Variants in ARMC2 observed in about 807,000 individuals in gnomAD.
The protein encoded by ARMC2 is armadillo repeat containing 2.
A neutral mutation model predicts 90.3 loss-of-function variants in ARMC2; 67 were observed. The observed-to-expected ratio is 0.74, with a 90% CI of 0.61 to 0.91. The LOEUF is 0.91. Ranked by LOEUF, ARMC2 falls within the 40% of genes least tolerant of loss-of-function variation. The probability of loss-of-function intolerance (pLI) is 0.00; values close to 1 mark genes in which losing one functional copy is unlikely to be tolerated. For synonymous variants in ARMC2, 393 were observed against 393.0 expected (o/e 1.00, Z 0.00); for missense variants, 920 against 1,030.9 (o/e 0.89, Z 1.47).
chr6:108,883,196 A>G (rs923685543), intron 5 of ARMC2, among the ~76,000 whole-genome samples: 3 of 152,342 alleles, frequency 2.0e-5, no homozygotes, highest in South Asian at 2.1e-4. Context: ...AGTAATGTCT[A>G]TGAAGTCCTA....
chr6:108,928,091 A>T lies in ARMC2; in HGVS notation c.1354A>T (p.Thr452Ser), dbSNP rs1775248491. Residue 452 changes from threonine (T) to serine (S), a missense_variant, in exon 11 of 18, where the codon ACT becomes TCT. Thr to Ser is a moderately conservative substitution (Grantham distance 58). Transcript: ENST00000392644. The part of the protein sequence containing the change: ...PNSGHLLVQV[T>S]ATLRNLVDSS... Reference sequence around the variant, plus strand: ...CACAAGCATGCTTTTATCCTAGGTGACTGCTACATTGAGAAACTTGGTTGA... The same window carrying T: ...CACAAGCATGCTTTTATCCTAGGTGTCTGCTACATTGAGAAACTTGGTTGA... 6.3e-7 allele frequency: 1 copy of T among 1,599,660 alleles called. No homozygotes were observed. Among genetic ancestry groups the T allele is most frequent in the Non-Finnish European group, 8.5e-7 (1 of 1,175,702 alleles).
intron 13 of ARMC2, among the ~76,000 whole-genome samples, chr6:108,955,247 A>G (rs1433851713): frequency 3.3e-5 from 5 of 152,186 alleles, no homozygotes; most frequent in Admixed American, 6.5e-5. Context: ...AATTCGGCCT[A>G]TATGGTGGAG....
intron 17 of ARMC2, among the ~76,000 whole-genome samples, chr6:108,966,282 C>G (rs1169596210): frequency 6.6e-6 from 1 of 151,806 alleles, no homozygotes; most frequent in African/African-American, 2.4e-5. Flanking sequence ...GGCTGCAGAG[C>G]AGACTCACCC....
chr6:108,988,792 TG>T, the ARMC2 span: 1 of 895,692 alleles, frequency 1.1e-6, no homozygotes, highest in Non-Finnish European at 1.6e-6. Context: ...TTTCTCTCTT[TG>T]TGTAGGCAGC....
chr6:109,007,649 A>G, the ARMC2 span, among the ~76,000 whole-genome samples: 1 of 152,172 alleles, frequency 6.6e-6, no homozygotes, highest in Non-Finnish European at 1.5e-5. Context: ...GCCTTTCGAC[A>G]TTCAAAAAAT....
the ARMC2 span, chr6:109,009,049 T>C: frequency 1.0e-6 from 1 of 962,840 alleles, no homozygotes; most frequent in Non-Finnish European, 1.3e-6. Flanking sequence ...GACGACAATG[T>C]TATTTACGTA....
At chr6:109,033,490 T>G in the ARMC2 span, among the ~76,000 whole-genome samples, 16 of 152,354 alleles carry the variant, frequency 1.1e-4, no homozygotes, top group Middle Eastern at 0.01. Context: ...TGTTCACTTC[T>G]GGACAGGATG....
chr6:108,854,257 T>C lies in ARMC2; in HGVS notation c.-11T>C, dbSNP rs758828824. 3 of 1,584,312 alleles carry C rather than the reference T, an allele frequency of 1.9e-6. No homozygotes were observed. In the South Asian group the frequency reaches 3.4e-5, roughly 18 times the overall value. ...TGTCTATCTGAAGAATATTTTACTTTCAAAGGAAAGATGCTGTCTCCAAAT... is the reference window on the plus strand; with the variant it reads ...TGTCTATCTGAAGAATATTTTACTTCCAAAGGAAAGATGCTGTCTCCAAAT... On this transcript the variant is annotated 5_prime_UTR_variant, in exon 2 of 18. Transcript: ENST00000392644.
chr6:108,875,940 A>G (rs1041177720), intron 4 of ARMC2, among the ~76,000 whole-genome samples: 2 of 152,180 alleles, frequency 1.3e-5, no homozygotes, highest in Non-Finnish European at 2.9e-5. Flanking sequence ...ATACATTTTT[A>G]CCTGCAGAAT....
At chr6:108,863,311 A>G (rs2768542) in intron 3 of ARMC2, among the ~76,000 whole-genome samples, 150,612 of 152,238 alleles carry the variant, frequency 0.99, 74,522 homozygotes, top group East Asian at 1. Context: ...TCAAACCCCT[A>G]GCCTCAAGTG....
the ARMC2 span, among the ~76,000 whole-genome samples, chr6:109,044,703 C>T: frequency 9.2e-5 from 14 of 152,078 alleles, no homozygotes; most frequent in African/African-American, 2.9e-4. Context: ...GTCACACAGA[C>T]ATCTCGAATC....
the ARMC2 span, among the ~76,000 whole-genome samples, chr6:109,017,965 G>A: frequency 6.6e-6 from 1 of 152,126 alleles, no homozygotes; most frequent in African/African-American, 2.4e-5. Flanking sequence ...CCAGGAGTTT[G>A]AGACTAGCCT....
intron 5 of ARMC2, among the ~76,000 whole-genome samples, chr6:108,887,778 A>T (rs1770510385): frequency 6.6e-6 from 1 of 152,254 alleles, no homozygotes; most frequent in Non-Finnish European, 1.5e-5. Context: ...TACATGAAAA[A>T]TCATTGCAAA....
the ARMC2 span, among the ~76,000 whole-genome samples, chr6:109,012,630 T>C: frequency 1.3e-5 from 2 of 152,086 alleles, no homozygotes; most frequent in Non-Finnish European, 2.9e-5. Flanking sequence ...CTTAGAGTAT[T>C]AGTAGAGAGG....
the ARMC2 span, chr6:108,987,567 C>T: frequency 2.4e-5 from 39 of 1,600,922 alleles, no homozygotes; most frequent in Non-Finnish European, 3.3e-5. Flanking sequence ...CGGGTAATGG[C>T]TCTCAGAGCA....
At chr6:108,965,823 T>A (rs12194690) in intron 17 of ARMC2, among the ~76,000 whole-genome samples, 31,814 of 145,708 alleles carry the variant, frequency 0.22, 4,088 homozygotes, top group Non-Finnish European at 0.3. Flanking sequence ...TAAAAAAAAA[T>A]TTTTTTTTTT....
chr6:108,985,698 A>T, the ARMC2 span, among the ~76,000 whole-genome samples: 1 of 152,186 alleles, frequency 6.6e-6, no homozygotes, highest in Non-Finnish European at 1.5e-5. Flanking sequence ...CTCTACTAGA[A>T]ATTTTGTATT....
chr6:108,849,921 A>C (rs1000195310), intron 1 of ARMC2, among the ~76,000 whole-genome samples: 2 of 152,188 alleles, frequency 1.3e-5, no homozygotes, highest in African/African-American at 2.4e-5. Flanking sequence ...GCCTCTTTGG[A>C]TGCTCATATT....
chr6:108,934,535 A>G (rs1775810902), intron 11 of ARMC2, among the ~76,000 whole-genome samples: 1 of 152,066 alleles, frequency 6.6e-6, no homozygotes, highest in African/African-American at 2.4e-5. Flanking sequence ...AGGTAATCCA[A>G]TTTTTTCTCT....
Sources: gnomAD v4.1 joint callset for allele counts (sites outside exome capture counted in the v4.1 genomes callset) on GRCh38, gnomAD v4.1.1 for gene constraint, MANE v1.5 for transcripts, NCBI Gene and HGNC (gene_info 2026-07-23, HGNC 2026-07-21) for gene names.